TMCC1: variants seen among roughly 807,000 people sequenced by gnomAD.
The protein encoded by TMCC1 is transmembrane and coiled-coil domain family 1, also known as transmembrane and coiled-coil domains protein 1.
In TMCC1, 15 loss-of-function variants were observed where a neutral mutation model predicts 52.4. The observed-to-expected ratio is 0.29, with a 90% confidence interval of 0.19 to 0.44. TMCC1 has a LOEUF of 0.44. Ranked by LOEUF, TMCC1 falls within the 20% of genes least tolerant of loss-of-function variation. The probability of loss-of-function intolerance (pLI) is 1.00; values close to 1 mark genes in which losing one functional copy is unlikely to be tolerated. For missense variants in TMCC1, 503 were observed against 806.0 expected (o/e 0.62, Z 4.55); for synonymous variants, 279 against 301.9 (o/e 0.92, Z 0.79).
chr3:129,843,657 G>A (rs1022515568), intron 2 of TMCC1, among the ~76,000 whole-genome samples: 5 of 151,936 alleles, frequency 3.3e-5, no homozygotes, highest in African/African-American at 1.2e-4. Flanking sequence ...CTTGAAATAT[G>A]ACATGAACTA....
rs553472869 is a variant in TMCC1, at chr3:129,654,834, T to TA, written c.1647+133dup. The TA allele has an allele frequency of 1.8e-4, 218 of 1,241,146 alleles. 1 individual carries two copies. The East Asian group carries it at 4.9e-3, about 28-fold the overall frequency. 76.9% of individuals were successfully genotyped at this position (1,241,146 alleles called of 1,614,324 possible). A position where few individuals can be genotyped will look rare whatever the true frequency, so the allele number is the denominator to read the frequency against. On this transcript the variant is annotated intron_variant, in intron 6 of 6. Transcript: ENST00000393238. ...AAATGCATCTCAATCATTTTAAGAG[T>TA]AGGTATACTCTTACACAGTTGGTAT...
At chr3:129,755,883 C>T (rs540519969) in intron 4 of TMCC1, among the ~76,000 whole-genome samples, 93 of 152,136 alleles carry the variant, frequency 6.1e-4, no homozygotes, top group African/African-American at 2.1e-3. Flanking sequence ...TGAGTGGATC[C>T]CTTGAGGTCA....
chr3:129,654,909 TCC>T, intron 6 of TMCC1, 57 bp downstream of exon 6: 1 of 1,579,442 alleles, frequency 6.3e-7, no homozygotes, highest in Admixed American at 1.9e-5. Flanking sequence ...TCCGCTGTTT[TCC>T]TTTTTTCTTT....
chr3:129,685,389 T>A (rs1341469961), intron 4 of TMCC1, among the ~76,000 whole-genome samples: 1 of 147,346 alleles, frequency 6.8e-6, no homozygotes, highest in African/African-American at 2.5e-5. Flanking sequence ...TAAAAGAAAC[T>A]TAAAAATTAA....
intron 2 of TMCC1, among the ~76,000 whole-genome samples, chr3:129,874,805 T>C (rs181591999): frequency 5.5e-4 from 84 of 152,184 alleles, no homozygotes; most frequent in African/African-American, 2.0e-3. Context: ...TGCAGTGAGC[T>C]ATGATTGCAC....
intron 4 of TMCC1, among the ~76,000 whole-genome samples, chr3:129,823,958 A>G (rs1442913933): frequency 6.6e-6 from 1 of 152,236 alleles, no homozygotes; most frequent in Non-Finnish European, 1.5e-5. Context: ...GAGGTTAAAG[A>G]GTGAACTCTA....
chr3:129,843,923 A>AG (rs2059540985), intron 2 of TMCC1, among the ~76,000 whole-genome samples: 1 of 151,586 alleles, frequency 6.6e-6, no homozygotes, highest in African/African-American at 2.4e-5. Flanking sequence ...AAAAAAAAAA[A>AG]AAACAACTCT....
intron 4 of TMCC1, among the ~76,000 whole-genome samples, chr3:129,784,351 G>A (rs1370931300): frequency 6.6e-6 from 1 of 152,104 alleles, no homozygotes; most frequent in Admixed American, 6.5e-5. Flanking sequence ...GGCCAAGGCG[G>A]GCGGATCACG....
At chr3:129,742,868 C>T (rs2051583224) in intron 4 of TMCC1, among the ~76,000 whole-genome samples, 1 of 152,038 alleles carries the variant, frequency 6.6e-6, no homozygotes, top group Non-Finnish European at 1.5e-5. Context: ...AAACAATGTG[C>T]TAAATAAAAG....
intron 2 of TMCC1, among the ~76,000 whole-genome samples, chr3:129,840,020 G>C (rs2059347810): frequency 5.9e-5 from 1 of 16,958 alleles, no homozygotes; most frequent in African/African-American, 1.5e-4. Flanking sequence ...TTGTCAGACT[G>C]GGGGAGAAAA....
intron 4 of TMCC1, among the ~76,000 whole-genome samples, chr3:129,676,472 T>C (rs1002322722): frequency 6.6e-6 from 1 of 152,206 alleles, no homozygotes; most frequent in Admixed American, 6.5e-5. Flanking sequence ...CTTAAATTTA[T>C]CTATTAACTG....
Position 129,696,055 on chromosome 3 carries a change from G to C in TMCC1, c.577-24791C>G, listed in dbSNP as rs550885098. Reference sequence around the variant, plus strand: ...GCCATGCTTTGTAGGGGTAAAATCTGCATCTGTAAAGAATCTCTATTAAAC... The same window carrying C: ...GCCATGCTTTGTAGGGGTAAAATCTCCATCTGTAAAGAATCTCTATTAAAC... On this transcript the variant is annotated intron_variant, in intron 4 of 6. Transcript: ENST00000393238. Among the ~76,000 whole-genome samples, 6 of 152,264 alleles carry C rather than the reference G, an allele frequency of 3.9e-5. No homozygotes were observed. The South Asian group carries it at 1.2e-3, about 32-fold the overall frequency.
intron 4 of TMCC1, among the ~76,000 whole-genome samples, chr3:129,775,116 A>G (rs1157207706): frequency 5.9e-5 from 9 of 152,138 alleles, no homozygotes. Flanking sequence ...AGTAGAATCA[A>G]TGACATTTGC....
intron 4 of TMCC1, among the ~76,000 whole-genome samples, chr3:129,802,988 T>C (rs1480257980): frequency 6.6e-6 from 1 of 152,210 alleles, no homozygotes; most frequent in African/African-American, 2.4e-5. Context: ...AGGGACTTCT[T>C]GCTCCAACAT....
At chr3:129,742,914 T>C (rs1350797620) in intron 4 of TMCC1, among the ~76,000 whole-genome samples, 1 of 152,152 alleles carries the variant, frequency 6.6e-6, no homozygotes, top group Non-Finnish European at 1.5e-5. Flanking sequence ...TACATGTTTC[T>C]GGAAAGAAGC....
intron 4 of TMCC1, among the ~76,000 whole-genome samples, chr3:129,680,120 T>C (rs2108915664): frequency 6.6e-6 from 1 of 152,336 alleles, no homozygotes; most frequent in Non-Finnish European, 1.5e-5. Context: ...TGCCCTAAAA[T>C]ACTTTAGTAT....
intron 2 of TMCC1, among the ~76,000 whole-genome samples, chr3:129,845,682 A>G (rs1211402306): frequency 6.6e-6 from 1 of 152,190 alleles, no homozygotes; most frequent in Non-Finnish European, 1.5e-5. Context: ...ATGTAGAAGT[A>G]CCTGAGAAAA....
chr3:129,718,180 T>A (rs7430454), intron 4 of TMCC1, among the ~76,000 whole-genome samples: 150,153 of 152,354 alleles, frequency 0.99, 74,032 homozygotes, highest in East Asian at 1. Context: ...CTGAAGTTAA[T>A]TCTATCAAAA....
chr3:129,675,468 A>T (rs2088337390), intron 4 of TMCC1, among the ~76,000 whole-genome samples: 1 of 152,228 alleles, frequency 6.6e-6, no homozygotes, highest in Non-Finnish European at 1.5e-5. Context: ...CAACAAATAT[A>T]AAAGGGCTTA....
Sources: allele counts gnomAD v4.1 joint callset (sites outside exome capture counted in the v4.1 genomes callset), GRCh38; gene constraint gnomAD v4.1.1; transcripts MANE v1.5; gene names NCBI Gene and HGNC (gene_info 2026-07-23, HGNC 2026-07-21).